Variants in SEMA6D observed in about 807,000 individuals in gnomAD.
SEMA6D encodes the protein semaphorin 6D.
In SEMA6D, 35 loss-of-function variants were observed where a neutral mutation model predicts 106.6. That is an observed-to-expected ratio of 0.33 (90% CI 0.25 to 0.44). The LOEUF is 0.44. Among genes scored for constraint, SEMA6D ranks in the 20% least tolerant of loss-of-function variants. The pLI is 1.00. For missense variants in SEMA6D, 1,185 were observed against 1,345.9 expected (o/e 0.88, Z 1.87); for synonymous variants, 499 against 487.7 (o/e 1.02, Z -0.31).
At chr15:47,555,418 A>G (rs1454250315) in intron 3 of SEMA6D, among the ~76,000 whole-genome samples, 2 of 152,226 alleles carry the variant, frequency 1.3e-5, no homozygotes, top group Admixed American at 6.5e-5. Flanking sequence ...GGCACATAAT[A>G]TCTTAAAACA....
At chr15:47,748,266 G>A (rs772259500) in intron 1 of SEMA6D, among the ~76,000 whole-genome samples, 15 of 152,192 alleles carry the variant, frequency 9.9e-5, no homozygotes, top group Non-Finnish European at 1.9e-4. Context: ...GTTGATGGTG[G>A]AGAGCTGTTC....
At chr15:47,595,977 T>C (rs1156843152) in intron 3 of SEMA6D, among the ~76,000 whole-genome samples, 1 of 152,016 alleles carries the variant, frequency 6.6e-6, no homozygotes, top group Non-Finnish European at 1.5e-5. Context: ...ATAAAAGGCA[T>C]CTAAGTAAGA....
intron 4 of SEMA6D, among the ~76,000 whole-genome samples, chr15:47,703,030 AC>A: frequency 6.6e-6 from 1 of 152,344 alleles, no homozygotes; most frequent in East Asian, 1.9e-4. Flanking sequence ...ATACAAAAAA[AC>A]AGATGGAAAG....
intron 1 of SEMA6D, among the ~76,000 whole-genome samples, chr15:47,263,651 T>C (rs924407798): frequency 2.6e-5 from 4 of 151,914 alleles, no homozygotes; most frequent in Admixed American, 6.6e-5. Context: ...TTGAGGAAGA[T>C]AGTGTGGCGA....
At chr15:47,366,669 A>G (rs1303241778) in intron 1 of SEMA6D, among the ~76,000 whole-genome samples, 5 of 152,204 alleles carry the variant, frequency 3.3e-5, no homozygotes, top group Non-Finnish European at 7.3e-5. Flanking sequence ...CATGGAGTGA[A>G]TGAAGAATTT....
chr15:47,356,511 G>A (rs2038577294), intron 1 of SEMA6D, among the ~76,000 whole-genome samples: 2 of 151,800 alleles, frequency 1.3e-5, no homozygotes, highest in South Asian at 2.1e-4. Flanking sequence ...GGGAAGATGA[G>A]GAGGAAGAGG....
At chr15:47,378,486 A>T (rs1437083911) in intron 1 of SEMA6D, among the ~76,000 whole-genome samples, 1 of 152,182 alleles carries the variant, frequency 6.6e-6, no homozygotes, top group Non-Finnish European at 1.5e-5. Flanking sequence ...ATGGAACCAG[A>T]CCCTGTCTCA....
intron 15 of SEMA6D, 29 bp downstream of exon 15, chr15:47,766,211 A>C: frequency 6.3e-7 from 1 of 1,582,560 alleles, no homozygotes. Context: ...ATGAGCTAGG[A>C]TGAACTATCC....
At chr15:47,304,432 CTAAAAAAA>C (rs2036148331) in intron 1 of SEMA6D, among the ~76,000 whole-genome samples, 3 of 58,252 alleles carry the variant, frequency 5.2e-5, no homozygotes, top group African/African-American at 4.7e-4. Flanking sequence ...AGCCTTCTAA[CTAAAAAAA>C]AAAAAAAAAA....
chr15:47,581,240 G>A (rs1186736687), intron 3 of SEMA6D: 4 of 398,960 alleles, frequency 1.0e-5, no homozygotes, highest in Non-Finnish European at 1.5e-5. Flanking sequence ...TGAAGTTTTT[G>A]CATGTTGGGC....
intron 1 of SEMA6D, among the ~76,000 whole-genome samples, chr15:47,737,729 G>A (rs2080530572): frequency 6.6e-6 from 1 of 152,076 alleles, no homozygotes; most frequent in Non-Finnish European, 1.5e-5. Context: ...TATAAAATAA[G>A]TTTCGTTTTT....
intron 1 of SEMA6D, among the ~76,000 whole-genome samples, chr15:47,277,156 T>TC (rs2034855679): frequency 6.6e-6 from 1 of 152,114 alleles, no homozygotes; most frequent in Admixed American, 6.6e-5. Flanking sequence ...GCAAAGAAAG[T>TC]GATTTCTTGA....
Position 47,262,726 on chromosome 15 carries a change from G to A in SEMA6D, c.-239+78308G>A, listed in dbSNP as rs1240940478. Among the ~76,000 whole-genome samples, 4 of 152,044 alleles carry A rather than the reference G, an allele frequency of 2.6e-5. No homozygotes were observed. In the East Asian group the frequency reaches 7.7e-4, roughly 29 times the overall value. On this transcript the variant is annotated intron_variant, in intron 1 of 19. Coordinates refer to the SEMA6D transcript ENST00000558014. ...AAAATTCACATGGAACCACAGAAGA[G>A]CCCTAATAGCCAAGACAATCCTAAG...
chr15:47,472,804 T>C (rs1185388138), intron 3 of SEMA6D, among the ~76,000 whole-genome samples: 1 of 152,218 alleles, frequency 6.6e-6, no homozygotes, highest in Non-Finnish European at 1.5e-5. Flanking sequence ...TGATTTGATT[T>C]TTGGAACTGG....
At chr15:47,346,722 A>G (rs2038061108) in intron 1 of SEMA6D, among the ~76,000 whole-genome samples, 2 of 151,962 alleles carry the variant, frequency 1.3e-5, no homozygotes, top group South Asian at 4.2e-4. Context: ...TCATCTAAGA[A>G]TGGTCCCAGG....
At chr15:47,734,086 G>T (rs1448632867) in intron 1 of SEMA6D, among the ~76,000 whole-genome samples, 1 of 152,194 alleles carries the variant, frequency 6.6e-6, no homozygotes, top group Non-Finnish European at 1.5e-5. Context: ...ATGTTGTGAA[G>T]TATTTTCAGA....
intron 3 of SEMA6D, among the ~76,000 whole-genome samples, chr15:47,573,404 C>G (rs887202502): frequency 6.6e-6 from 1 of 152,112 alleles, no homozygotes; most frequent in Admixed American, 6.6e-5. Context: ...AGTTCCAGAA[C>G]ATAGAATTAT....
intron 1 of SEMA6D, among the ~76,000 whole-genome samples, chr15:47,192,734 A>T (rs1894051298): frequency 6.6e-6 from 1 of 152,232 alleles, no homozygotes; most frequent in Admixed American, 6.5e-5. Flanking sequence ...GCCCTATCAG[A>T]TATTGAAATG....
At chr15:47,593,180 G>A (rs949205456) in intron 3 of SEMA6D, among the ~76,000 whole-genome samples, 9 of 152,012 alleles carry the variant, frequency 5.9e-5, no homozygotes, top group East Asian at 5.8e-4. Flanking sequence ...CGAGGCGGGC[G>A]GATCACAAGG....
Sources: allele counts gnomAD v4.1 joint callset (sites outside exome capture counted in the v4.1 genomes callset), GRCh38; gene constraint gnomAD v4.1.1; transcripts MANE v1.5; gene names NCBI Gene and HGNC (gene_info 2026-07-23, HGNC 2026-07-21).